The following MTERF4 variants were observed in gnomAD, a reference collection of about 807,000 sequenced individuals.
The protein encoded by MTERF4 is transcription termination factor 4, mitochondrial.
A neutral mutation model predicts 22.5 loss-of-function variants in MTERF4; 17 were observed. The ratio of observed to expected loss-of-function variants is 0.75; its 90% confidence interval spans 0.52 to 1.13. The LOEUF (loss-of-function observed/expected upper bound fraction) is 1.13, where lower values mean the gene tolerates loss of function less well. MTERF4 is among the 50% of genes most tolerant of loss of function. The pLI is 0.00. For missense variants in MTERF4, 420 were observed against 466.8 expected (o/e 0.90, Z 0.92); for synonymous variants, 165 against 175.3 (o/e 0.94, Z 0.47).
chr2:241,064,701 C>T, the MTERF4 span: 5 of 601,038 alleles, frequency 8.3e-6, no homozygotes, highest in Non-Finnish European at 1.4e-5. This position sits in a 1 kb window ranked among gnomAD's most constrained non-coding sequence, Gnocchi z 7.0. Flanking sequence ...GTGGCAGAAC[C>T]GAAGGGAGGC....
chr2:241,047,941 C>T, the MTERF4 span, among the ~76,000 whole-genome samples: 3 of 151,132 alleles, frequency 2.0e-5, no homozygotes, highest in Non-Finnish European at 4.4e-5. Context: ...TGGGTGGTCT[C>T]TCTGGTGCTT....
chr2:241,088,788 C>T, downstream of MTERF4: 1 of 258,614 alleles, frequency 3.9e-6, no homozygotes, highest in Non-Finnish European at 7.3e-6. Context: ...GGGCCACGGG[C>T]AGCGGGAGGG....
At chr2:241,063,557 C>T in the MTERF4 span, 1 of 1,490,524 alleles carries the variant, frequency 6.7e-7, no homozygotes, top group Non-Finnish European at 9.2e-7. Flanking sequence ...CTTGAGCCAG[C>T]AACACCCTTG....
chr2:241,056,144 C>T, the MTERF4 span, among the ~76,000 whole-genome samples: 1 of 151,696 alleles, frequency 6.6e-6, no homozygotes, highest in East Asian at 1.9e-4. Flanking sequence ...TTTAAAATTC[C>T]ATGAAAAATT....
At chr2:241,050,180 C>T in the MTERF4 span, 14 of 564,306 alleles carry the variant, frequency 2.5e-5, no homozygotes, top group Non-Finnish European at 3.8e-5. Flanking sequence ...GGCTTCATTG[C>T]CTGCTCAGCA....
chr2:241,096,316 G>C lies in MTERF4; in HGVS notation c.828C>G (p.Thr276=). The C allele has an allele frequency of 6.2e-7, 1 of 1,614,130 alleles. No homozygotes were observed. The highest frequency in any genetic ancestry group is 2.2e-5 in the East Asian group (1 of 44,882). The change falls in exon 4 of 4, where the codon ACC becomes ACG. Residue 276 remains threonine, a synonymous_variant. Transcript: ENST00000391980. This position sits in a 1 kb window ranked among gnomAD's most constrained non-coding sequence, Gnocchi z 5.1. The part of the protein sequence containing the change: ...IYLERLGRYQ[T]PDKKGQTQIP... ...TCTGTGTCTGCCCCTTCTTATCAGG[G>C]GTTTGGTACCGTCCCAGGCGCTCCA...
chr2:241,101,810 T>C (rs1371972384), intron 1 of MTERF4, among the ~76,000 whole-genome samples: 3 of 152,194 alleles, frequency 2.0e-5, no homozygotes, highest in Non-Finnish European at 4.4e-5. Context: ...CCCAGCACTT[T>C]GGGAGTTCGA....
chr2:241,071,767 CTG>C (rs1559296339), downstream of MTERF4: 1 of 1,566,660 alleles, frequency 6.4e-7, no homozygotes, highest in Non-Finnish European at 8.7e-7. Context: ...GGCGCTCGGA[CTG>C]TGGTGACCCT....
the MTERF4 span, among the ~76,000 whole-genome samples, chr2:241,066,382 G>T: frequency 6.6e-6 from 1 of 152,334 alleles, no homozygotes; most frequent in South Asian, 2.1e-4. Context: ...GGACGGACAG[G>T]GGCAGGGCCG....
the MTERF4 span, among the ~76,000 whole-genome samples, chr2:241,042,955 G>A: frequency 1.3e-5 from 2 of 152,034 alleles, no homozygotes; most frequent in Admixed American, 1.3e-4. Context: ...CCACGTATTT[G>A]GAGTCTGTGA....
At chr2:241,094,379 T>C, downstream of MTERF4, 1 of 471,060 alleles carries the variant, frequency 2.1e-6, no homozygotes, top group South Asian at 1.5e-5. This position sits in a 1 kb window ranked among gnomAD's most constrained non-coding sequence, Gnocchi z 4.3. Context: ...GAGCTGCTTT[T>C]CTTTTGCAAA....
chr2:241,052,810 AAGCAGGGTACATGGGATGCCG>A, the MTERF4 span, among the ~76,000 whole-genome samples: 2,179 of 135,662 alleles, frequency 0.016, 102 homozygotes, highest in East Asian at 0.079. Context: ...TGGGGGGCCC[AAGCAGGGTACATGGGATGCCG>A]GTGTCAGGCA....
the MTERF4 span, among the ~76,000 whole-genome samples, chr2:241,042,599 A>G: frequency 1.3e-5 from 2 of 152,232 alleles, no homozygotes; most frequent in South Asian, 4.1e-4. Context: ...GCAGATACAA[A>G]TGTTTAATTA....
the MTERF4 span, among the ~76,000 whole-genome samples, chr2:241,046,827 C>T: frequency 1.3e-5 from 2 of 152,108 alleles, no homozygotes; most frequent in African/African-American, 4.8e-5. Flanking sequence ...TTTGAAAGCA[C>T]GTGAAGAAAC....
At chr2:241,082,292 C>T (rs540076131), downstream of MTERF4, 94 of 1,613,124 alleles carry the variant, frequency 5.8e-5, no homozygotes, top group East Asian at 1.3e-3. Flanking sequence ...ATAAAGGTGT[C>T]CCGCCCCTGC....
downstream of MTERF4, chr2:241,082,427 C>A: frequency 1.5e-6 from 2 of 1,327,266 alleles, no homozygotes; most frequent in Non-Finnish European, 2.2e-6. Context: ...CCTCAAAGTG[C>A]TGTCTCAAAG....
downstream of MTERF4, chr2:241,087,896 G>T: frequency 2.4e-6 from 1 of 423,032 alleles, no homozygotes; most frequent in Non-Finnish European, 4.1e-6. Flanking sequence ...GGCGTTTGCT[G>T]AAAGAAGTAC....
the MTERF4 span, among the ~76,000 whole-genome samples, chr2:241,043,868 T>A: frequency 1.3e-5 from 2 of 152,330 alleles, no homozygotes; most frequent in African/African-American, 4.8e-5. Flanking sequence ...ACTGTACTTT[T>A]AAAAATTGAT....
chr2:241,072,025 G>A (rs1575063469), downstream of MTERF4: 2 of 785,734 alleles, frequency 2.5e-6, no homozygotes, highest in African/African-American at 3.4e-5. Flanking sequence ...CTGTGCACAA[G>A]GCGCGGGGCT....
Sources: gnomAD v4.1 joint callset for allele counts (sites outside exome capture counted in the v4.1 genomes callset) on GRCh38, gnomAD v4.1.1 for gene constraint, Gnocchi (gnomAD v3.1) non-coding constraint, MANE v1.5 for transcripts, NCBI Gene and HGNC (gene_info 2026-07-23, HGNC 2026-07-21) for gene names.